Variants in RBFOX1 observed in about 807,000 individuals in gnomAD.
RBFOX1 encodes the protein RNA binding protein fox-1 homolog 1.
Under a neutral mutation model 57.7 loss-of-function variants are expected in RBFOX1, and 8 were observed. That is an observed-to-expected ratio of 0.14 (90% CI 0.08 to 0.25). The LOEUF (loss-of-function observed/expected upper bound fraction) is 0.25, where lower values mean the gene tolerates loss of function less well. Ranked by LOEUF, RBFOX1 falls within the 10% of genes least tolerant of loss-of-function variation. RBFOX1 has a pLI of 1.00. For missense variants in RBFOX1, 611 were observed against 548.5 expected (o/e 1.11, Z -1.14); for synonymous variants, 326 against 222.4 (o/e 1.47, Z -4.15).
intron 1 of RBFOX1, among the ~76,000 whole-genome samples, chr16:6,095,481 C>G (rs1453890037): frequency 6.6e-6 from 1 of 152,158 alleles, no homozygotes; most frequent in Non-Finnish European, 1.5e-5. Context: ...TCTTTTCACT[C>G]TTTCTCTTTC....
At chr16:7,324,941 A>G (rs925507153) in intron 4 of RBFOX1, among the ~76,000 whole-genome samples, 1 of 152,188 alleles carries the variant, frequency 6.6e-6, no homozygotes. Context: ...TTTTCCATTT[A>G]CAGAAGCCAT....
intron 2 of RBFOX1, among the ~76,000 whole-genome samples, chr16:6,487,144 C>CTGTGTGTGTGTCTGTG (rs1348291818): frequency 2.9e-5 from 4 of 140,222 alleles, no homozygotes; most frequent in African/African-American, 1.1e-4. Flanking sequence ...TGTGGGGTTT[C>CTGTGTGTGTGTCTGTG]TGTGTGTGTG....
intron 4 of RBFOX1, among the ~76,000 whole-genome samples, chr16:7,442,149 A>T (rs2098773001): frequency 6.6e-6 from 1 of 152,082 alleles, no homozygotes; most frequent in Non-Finnish European, 1.5e-5. Context: ...ATGATGCATG[A>T]ACGGGACCCC....
At chr16:6,262,322 C>G (rs895322690) in intron 1 of RBFOX1, among the ~76,000 whole-genome samples, 1 of 152,062 alleles carries the variant, frequency 6.6e-6, no homozygotes, top group South Asian at 2.1e-4. Flanking sequence ...ATTTCATTAT[C>G]CCGAAATTAG....
At chr16:6,649,215 C>T (rs1490944691) in intron 2 of RBFOX1, among the ~76,000 whole-genome samples, 2 of 152,186 alleles carry the variant, frequency 1.3e-5, no homozygotes, top group Non-Finnish European at 2.9e-5. Flanking sequence ...GTAACTAGCT[C>T]ATTCAACTTA....
At chr16:6,199,573 A>G (rs889092546) in intron 1 of RBFOX1, among the ~76,000 whole-genome samples, 1 of 152,180 alleles carries the variant, frequency 6.6e-6, no homozygotes, top group Admixed American at 6.6e-5. Flanking sequence ...ATTGGACCAA[A>G]GGTCTTTAAT....
intron 4 of RBFOX1, among the ~76,000 whole-genome samples, chr16:7,337,500 T>A (rs1046245471): frequency 5.3e-5 from 8 of 152,116 alleles, no homozygotes; most frequent in African/African-American, 1.9e-4. Context: ...TTACTGCCAC[T>A]GTAGGATGTG....
chr16:5,370,384 G>C (rs980437898), intron 1 of RBFOX1, among the ~76,000 whole-genome samples: 1 of 151,608 alleles, frequency 6.6e-6, no homozygotes, highest in South Asian at 2.1e-4. Flanking sequence ...GATGCTATGA[G>C]CTGTGGATGC....
chr16:6,861,051 T>G (rs2058900408), intron 3 of RBFOX1, among the ~76,000 whole-genome samples: 1 of 152,174 alleles, frequency 6.6e-6, no homozygotes, highest in African/African-American at 2.4e-5. Context: ...GCGGTTGTAA[T>G]CTGCGAGAGT....
At chr16:6,470,054 A>C (rs1348489707) in intron 2 of RBFOX1, among the ~76,000 whole-genome samples, 1 of 152,178 alleles carries the variant, frequency 6.6e-6, no homozygotes, top group African/African-American at 2.4e-5. Context: ...TTAAGTATCT[A>C]CTTTGTGCCT....
chr16:5,725,750 C>T (rs1035693433), intron 3 of RBFOX1, among the ~76,000 whole-genome samples: 6 of 152,104 alleles, frequency 3.9e-5, no homozygotes, highest in South Asian at 2.1e-4. Context: ...CCTGCCTCCA[C>T]GGAGCTTATG....
chr16:5,330,598 A>G (rs563359288), intron 1 of RBFOX1, among the ~76,000 whole-genome samples: 1 of 151,784 alleles, frequency 6.6e-6, no homozygotes, highest in East Asian at 1.9e-4. Flanking sequence ...AGAGATGGAG[A>G]TTCACCATGT....
chr16:6,706,990 G>A (rs7197405), intron 3 of RBFOX1, among the ~76,000 whole-genome samples: 149,163 of 152,264 alleles, frequency 0.98, 73,143 homozygotes, highest in Middle Eastern at 1. Flanking sequence ...ACTGACAAAT[G>A]TGGAACAGCA....
At chr16:6,674,621 C>A (rs1250898543) in intron 3 of RBFOX1, among the ~76,000 whole-genome samples, 2 of 152,132 alleles carry the variant, frequency 1.3e-5, no homozygotes, top group Non-Finnish European at 2.9e-5. Context: ...CGTGCCCAGC[C>A]CGAATGGGCT....
intron 1 of RBFOX1, among the ~76,000 whole-genome samples, chr16:6,314,869 C>T (rs945517836): frequency 6.6e-6 from 1 of 152,192 alleles, no homozygotes; most frequent in Non-Finnish European, 1.5e-5. Context: ...TTGACTATTT[C>T]TATTCTAATT....
intron 1 of RBFOX1, among the ~76,000 whole-genome samples, chr16:6,152,950 T>G (rs372921559): frequency 2.6e-4 from 39 of 152,192 alleles, no homozygotes; most frequent in African/African-American, 7.0e-4. Flanking sequence ...CCACCCATGT[T>G]GCAATGTAGG....
intron 1 of RBFOX1, among the ~76,000 whole-genome samples, chr16:6,306,654 C>T (rs1187462819): frequency 2.0e-5 from 3 of 152,164 alleles, no homozygotes; most frequent in Non-Finnish European, 4.4e-5. Context: ...GCCGTTTCTA[C>T]TTAGATGGGA....
intron 3 of RBFOX1, among the ~76,000 whole-genome samples, chr16:6,840,318 G>T (rs1241198270): frequency 6.6e-6 from 1 of 152,196 alleles, no homozygotes; most frequent in South Asian, 2.1e-4. Flanking sequence ...GTAAGGGGCT[G>T]CAGGGCCGCC....
chr16:7,416,020 C>T (rs1347925502), intron 4 of RBFOX1, among the ~76,000 whole-genome samples: 2 of 152,140 alleles, frequency 1.3e-5, no homozygotes, highest in Admixed American at 6.5e-5. Context: ...GAGATGATCT[C>T]CTCTTTGACA....
Sources: allele counts gnomAD v4.1 joint callset (sites outside exome capture counted in the v4.1 genomes callset), GRCh38; gene constraint gnomAD v4.1.1; transcripts MANE v1.5; gene names NCBI Gene and HGNC (gene_info 2026-07-23, HGNC 2026-07-21).